NEK10: variants seen among roughly 807,000 people sequenced by gnomAD.
NEK10 encodes serine/threonine-protein kinase Nek10.
A neutral mutation model predicts 159.8 loss-of-function variants in NEK10; 122 were observed. The ratio of observed to expected loss-of-function variants is 0.76; its 90% confidence interval spans 0.66 to 0.89. NEK10 has a LOEUF of 0.89. Among genes scored for constraint, NEK10 ranks in the 40% least tolerant of loss-of-function variants. The pLI, the probability that NEK10 is intolerant of heterozygous loss-of-function variation, is 0.00. For synonymous variants in NEK10, 466 were observed against 457.1 expected (o/e 1.02, Z -0.25); for missense variants, 1,342 against 1,323.1 (o/e 1.01, Z -0.22).
At chr3:27,244,883 G>A (rs1347267318) in intron 23 of NEK10, among the ~76,000 whole-genome samples, 1 of 151,726 alleles carries the variant, frequency 6.6e-6, no homozygotes, top group African/African-American at 2.4e-5. Context: ...CTCCCAGCTT[G>A]CCTAGCAGCT....
intron 22 of NEK10, among the ~76,000 whole-genome samples, chr3:27,277,654 T>C (rs1241172175): frequency 6.6e-6 from 1 of 152,186 alleles, no homozygotes; most frequent in African/African-American, 2.4e-5. Flanking sequence ...CCCTTCCTGC[T>C]TAACTCTGCA....
chr3:27,222,215 A>G (rs1952186607), intron 23 of NEK10, among the ~76,000 whole-genome samples: 1 of 152,172 alleles, frequency 6.6e-6, no homozygotes, highest in African/African-American at 2.4e-5. Context: ...TCTACTAAAA[A>G]TACAAAAATT....
intron 22 of NEK10, among the ~76,000 whole-genome samples, chr3:27,282,833 A>G (rs1378245172): frequency 6.6e-6 from 1 of 151,158 alleles, no homozygotes; most frequent in Non-Finnish European, 1.5e-5. Flanking sequence ...TCCAGCAAAT[A>G]AATAAATTAT....
intron 3 of NEK10, among the ~76,000 whole-genome samples, chr3:27,349,888 G>T (rs1427475892): frequency 2.0e-5 from 3 of 152,160 alleles, no homozygotes; most frequent in Non-Finnish European, 2.9e-5. Flanking sequence ...TCTGTCTCCA[G>T]TTCTGTCACA....
At chr3:27,289,553 C>CAGAT (rs1396858196) in intron 19 of NEK10, among the ~76,000 whole-genome samples, 1 of 152,204 alleles carries the variant, frequency 6.6e-6, no homozygotes, top group Non-Finnish European at 1.5e-5. Flanking sequence ...AAGTGGCCAG[C>CAGAT]AGATCGTAAG....
intron 27 of NEK10, 36 bp from the exon 28 acceptor site, chr3:27,174,561 G>A: frequency 1.2e-6 from 2 of 1,601,620 alleles, no homozygotes; most frequent in Non-Finnish European, 1.7e-6. Context: ...AAGCAAATGA[G>A]TCTTGAAACA....
chr3:27,312,783 T>A (rs530081089), intron 7 of NEK10, among the ~76,000 whole-genome samples: 34 of 152,140 alleles, frequency 2.2e-4, no homozygotes, highest in Non-Finnish European at 4.4e-4. Flanking sequence ...CATAATCTTA[T>A]GAAATATTAA....
intron 12 of NEK10, among the ~76,000 whole-genome samples, chr3:27,302,271 T>G (rs1048477229): frequency 2.0e-5 from 3 of 152,204 alleles, no homozygotes; most frequent in African/African-American, 7.2e-5. Context: ...ATTGTCCACA[T>G]GTTGAAAACC....
At chr3:27,297,660 C>A (rs988812328) in intron 13 of NEK10, among the ~76,000 whole-genome samples, 2 of 152,170 alleles carry the variant, frequency 1.3e-5, no homozygotes, top group Non-Finnish European at 1.5e-5. Context: ...TAAGAGTATG[C>A]ACTGTGATTA....
intron 5 of NEK10, 148 bp downstream of exon 5, chr3:27,344,124 G>C: frequency 2.0e-6 from 1 of 493,892 alleles, no homozygotes; most frequent in South Asian, 3.9e-5. Flanking sequence ...ATTTTAATGA[G>C]ATCATCTGTA....
At chr3:27,137,014 C>T (rs1450151669) in intron 31 of NEK10, among the ~76,000 whole-genome samples, 1 of 152,176 alleles carries the variant, frequency 6.6e-6, no homozygotes, top group African/African-American at 2.4e-5. Context: ...AGCAAAGTAA[C>T]TGATCTTGGT....
rs1433643669 is a variant in NEK10 at position 27,350,944 on chromosome 3, TG to T, written c.132+1520del. Among the ~76,000 whole-genome samples the T allele has an allele frequency of 1.8e-4, 28 of 152,262 alleles. 1 individual carries two copies. The East Asian group carries it at 4.5e-3, about 24-fold the overall frequency. The stretch of plus-strand genomic sequence containing the variant: ...AGTCACAATTCAATTTAGCAAAATC[TG>T]GCCAAGAACTCATCAAATATAGTGA... On this transcript the variant is annotated intron_variant, in intron 3 of 35. Coordinates refer to ENST00000691995, the MANE Select transcript of NEK10 (RefSeq NM_001394966.1).
chr3:27,162,352 C>T (rs1274643518), intron 30 of NEK10: 2 of 1,490,398 alleles, frequency 1.3e-6, no homozygotes, highest in Non-Finnish European at 1.8e-6. Flanking sequence ...ATTCTCCGCT[C>T]TTTGTATTAA....
At chr3:27,366,966 A>G (rs2049139665) in intron 1 of NEK10, among the ~76,000 whole-genome samples, 1 of 151,966 alleles carries the variant, frequency 6.6e-6, no homozygotes, top group Admixed American at 6.6e-5. Flanking sequence ...GTGCGCCACC[A>G]TGCCCAGCTA....
At chr3:27,225,597 C>T (rs1034209601) in intron 23 of NEK10, among the ~76,000 whole-genome samples, 8 of 152,190 alleles carry the variant, frequency 5.3e-5, no homozygotes, top group African/African-American at 1.9e-4. Flanking sequence ...CCCTGGAGTA[C>T]CCAGCAGTCA....
At chr3:27,192,489 G>A (rs1949204378) in intron 25 of NEK10, among the ~76,000 whole-genome samples, 1 of 152,032 alleles carries the variant, frequency 6.6e-6, no homozygotes, top group Admixed American at 6.6e-5. Context: ...AAGGGTTCCA[G>A]GCTGAGCATG....
chr3:27,175,273 T>C (rs1947394691), intron 26 of NEK10, among the ~76,000 whole-genome samples: 1 of 152,138 alleles, frequency 6.6e-6, no homozygotes, highest in Non-Finnish European at 1.5e-5. Context: ...AGCCAGGCCA[T>C]GGAGAGTGAG....
At chr3:27,182,014 G>A (rs1948162796) in intron 26 of NEK10, among the ~76,000 whole-genome samples, 1 of 152,044 alleles carries the variant, frequency 6.6e-6, no homozygotes, top group African/African-American at 2.4e-5. Flanking sequence ...ATTTGACAAA[G>A]AACAACAAAG....
chr3:27,217,556 C>G (rs145648936), intron 23 of NEK10, among the ~76,000 whole-genome samples: 25 of 152,288 alleles, frequency 1.6e-4, no homozygotes, highest in African/African-American at 5.5e-4. Flanking sequence ...CACCTCCTAC[C>G]AGGCCCCACC....
Sources: gnomAD v4.1 joint callset for allele counts (sites outside exome capture counted in the v4.1 genomes callset) on GRCh38, gnomAD v4.1.1 for gene constraint, MANE v1.5 for transcripts, NCBI Gene and HGNC (gene_info 2026-07-23, HGNC 2026-07-21) for gene names.